The following OSER1 variants were observed in gnomAD, a reference collection of about 807,000 sequenced individuals.
The protein encoded by OSER1 is oxidative stress responsive serine rich 1.
Under a neutral mutation model 26.3 loss-of-function variants are expected in OSER1, and 15 were observed. The observed-to-expected ratio is 0.57, with a 90% CI of 0.38 to 0.88. The LOEUF is 0.88. Among genes scored for constraint, OSER1 ranks in the 40% least tolerant of loss-of-function variants. The pLI is 0.00. For missense variants in OSER1, 313 were observed against 353.9 expected, an observed-to-expected ratio of 0.88 and a Z score of 0.93; for synonymous variants, 127 against 128.2, an observed-to-expected ratio of 0.99 and a Z score of 0.07.
intron 3 of OSER1, among the ~76,000 whole-genome samples, chr20:44,198,613 C>T (rs549748367): frequency 6.1e-4 from 89 of 146,536 alleles, no homozygotes; most frequent in Admixed American, 1.1e-3. Context: ...AGCGAGACTC[C>T]GTCTCAAAAA....
intron 3 of OSER1, among the ~76,000 whole-genome samples, chr20:44,198,620 A>AAAATAAAT (rs11474555): frequency 2.9e-4 from 44 of 149,880 alleles, no homozygotes; most frequent in Non-Finnish European, 4.0e-4. Context: ...CTCCGTCTCA[A>AAAATAAAT]AAATAAATAA....
chr20:44,197,463 C>G lies in OSER1; in HGVS notation c.468G>C (p.Arg156Ser). 6.2e-7 allele frequency: 1 copy of G among 1,614,150 alleles called. No individual in the cohort carries two copies. Among genetic ancestry groups the G allele is most frequent in the Non-Finnish European group, 8.5e-7 (1 of 1,180,020 alleles). ...VVEPLRTSVP[R>S]LPSESKKEDS... ...CTTCCTTCTTACTCTCTGATGGGAG[C>G]CTTGGAACAGAAGTTCTCAAAGGCT... The change falls in exon 4 of 4, where the codon AGG (arginine) becomes AGC (serine). Residue 156 changes from arginine to serine, a missense_variant. This residue lies in a region of OSER1 where 300 missense variants were observed against 318.3 expected (regional missense o/e 0.94). Coordinates refer to ENST00000255174, the MANE Select transcript of OSER1 (RefSeq NM_016470.8).
intron 3 of OSER1, among the ~76,000 whole-genome samples, chr20:44,202,675 G>C (rs1439778452): frequency 1.3e-5 from 2 of 152,004 alleles, no homozygotes; most frequent in Non-Finnish European, 2.9e-5. Context: ...TTGAAAAAAA[G>C]GTTCCAATAA....
chr20:44,197,857 T>A (rs189075226), intron 3 of OSER1, 118 bp from the exon 4 acceptor site: 6 of 648,624 alleles, frequency 9.3e-6, no homozygotes, highest in Non-Finnish European at 1.6e-5. Flanking sequence ...GCTCATAAAT[T>A]TCCTGCAAGA....
intron 1 of OSER1, chr20:44,207,400 T>A (rs1433258079): frequency 6.3e-6 from 1 of 159,754 alleles, no homozygotes; most frequent in Non-Finnish European, 1.4e-5. Context: ...CACTGAGTAT[T>A]TGTCTGGCCT....
Position 44,196,015 on chromosome 20 carries a change from ACT to A in OSER1, c.*1035_*1036del, listed in dbSNP as rs2072914158. Among the ~76,000 whole-genome samples, 1 of 152,234 alleles carries A rather than the reference ACT, an allele frequency of 6.6e-6. No homozygotes were observed. Among genetic ancestry groups the A allele is most frequent in the Admixed American group, 6.5e-5 (1 of 15,282 alleles). On this transcript the variant is annotated 3_prime_UTR_variant, in exon 4 of 4. Coordinates refer to ENST00000255174, the MANE Select transcript of OSER1 (RefSeq NM_016470.8). ...AACATTATTGCTAACATGGCTAGAC[ACT>A]GTCACTAAATTTGGTGGCTCTGCTC...
rs1171955984 is a variant in OSER1 at position 44,203,005 on chromosome 20, A to G, written c.147T>C (p.Asp49=). ...VRAPVRTATD[D]TKPKTTCASK... Reference sequence around the variant, plus strand: ...ATGCACATGTGGTTTTAGGTTTGGTATCATCTGTTGCTGTTCTGACTGGTG... The same window carrying G: ...ATGCACATGTGGTTTTAGGTTTGGTGTCATCTGTTGCTGTTCTGACTGGTG... Residue 49 remains aspartate (D), a synonymous_variant, in exon 3 of 4, where the codon GAT becomes GAC. Transcript: ENST00000255174. 1 of 1,613,472 alleles carries G rather than the reference A, an allele frequency of 6.2e-7. No homozygotes were observed. Among genetic ancestry groups the G allele is most frequent in the African/African-American group, 1.3e-5 (1 of 75,044 alleles).
chr20:44,208,895 C>T (rs1347515562), intron 1 of OSER1, among the ~76,000 whole-genome samples: 1 of 152,184 alleles, frequency 6.6e-6, no homozygotes, highest in African/African-American at 2.4e-5. Flanking sequence ...TCAGCATTTA[C>T]GTACACATCA....
At chr20:44,202,557 T>C (rs1180260328) in intron 3 of OSER1, among the ~76,000 whole-genome samples, 1 of 152,030 alleles carries the variant, frequency 6.6e-6, no homozygotes, top group Non-Finnish European at 1.5e-5. Flanking sequence ...AACCTCAAGA[T>C]ACATAAAGCA....
intron 1 of OSER1, 91 bp from the exon 2 acceptor site, chr20:44,207,089 T>TTTTTTC: frequency 1.6e-6 from 1 of 608,504 alleles, no homozygotes; most frequent in East Asian, 2.8e-5. Context: ...AAGCAAATTT[T>TTTTTTC]TATTTCAAAA....
At chr20:44,207,175 A>T in intron 1 of OSER1, 177 bp from the exon 2 acceptor site, 1 of 464,252 alleles carries the variant, frequency 2.2e-6, no homozygotes, top group East Asian at 3.6e-5. Flanking sequence ...GATACCAAAA[A>T]TGGATATGTA....
intron 1 of OSER1, 93 bp from the exon 2 acceptor site, chr20:44,207,091 A>G (rs1012360618): frequency 3.3e-6 from 2 of 604,330 alleles, no homozygotes; most frequent in Non-Finnish European, 5.8e-6. Context: ...GCAAATTTTT[A>G]TTTCAAAAAG....
chr20:44,210,730 C>A lies in OSER1; in HGVS notation c.-76G>T, dbSNP rs1001839146. 3 of 152,456 alleles carry A rather than the reference C, an allele frequency of 2.0e-5. No individual in the cohort carries two copies. Among genetic ancestry groups the A allele is most frequent in the East Asian group, 1.9e-4 (1 of 5,184 alleles). The allele number at this position is 152,456 out of a possible 1,614,324, so 9.4% of individuals were successfully genotyped here. A position where few individuals can be genotyped will look rare whatever the true frequency, so the allele number is the denominator to read the frequency against. On this transcript the variant is annotated 5_prime_UTR_variant, in exon 1 of 4. Transcript: ENST00000255174. The stretch of plus-strand genomic sequence containing the variant: ...GCTGGGACGCTCCGGTGATGCGGGG[C>A]AGTCAGTTCAGAGCGTCTCTCCCAA...
intron 3 of OSER1, 48 bp from the exon 4 acceptor site, chr20:44,197,787 T>C (rs1392136985): frequency 1.6e-6 from 2 of 1,259,108 alleles, no homozygotes; most frequent in East Asian, 4.8e-5. Flanking sequence ...TATGGAGCTG[T>C]CCTAAACAGA....
intron 3 of OSER1, among the ~76,000 whole-genome samples, chr20:44,198,536 G>A (rs1186511835): frequency 2.6e-5 from 4 of 152,026 alleles, no homozygotes; most frequent in Admixed American, 6.6e-5. Flanking sequence ...GGAGAATGGC[G>A]TGAATCTGGG....
intron 3 of OSER1, among the ~76,000 whole-genome samples, chr20:44,200,784 T>C (rs1245529657): frequency 6.6e-6 from 1 of 152,162 alleles, no homozygotes. Context: ...AACTATAGAA[T>C]AGCAAAGACA....
intron 3 of OSER1, among the ~76,000 whole-genome samples, chr20:44,198,484 T>C (rs2072946497): frequency 6.6e-6 from 1 of 151,850 alleles, no homozygotes; most frequent in African/African-American, 2.4e-5. Flanking sequence ...CCGGGCGTGG[T>C]GGTGGGCGCC....
chr20:44,204,931 G>A (rs1327764725), intron 2 of OSER1, among the ~76,000 whole-genome samples: 2 of 151,680 alleles, frequency 1.3e-5, no homozygotes, highest in East Asian at 1.9e-4. Flanking sequence ...TCCAGCTCCC[G>A]GGCTCAAGTG....
chr20:44,204,203 G>T (rs1331907766), intron 2 of OSER1, among the ~76,000 whole-genome samples: 2 of 152,082 alleles, frequency 1.3e-5, no homozygotes, highest in African/African-American at 4.8e-5. Flanking sequence ...TAAATATATA[G>T]AGATTTGTCC....
Sources: allele counts gnomAD v4.1 joint callset (sites outside exome capture counted in the v4.1 genomes callset), GRCh38; gene constraint gnomAD v4.1.1; regional missense constraint gnomAD v4.1.1; transcripts MANE v1.5; gene names NCBI Gene and HGNC (gene_info 2026-07-23, HGNC 2026-07-21).